MIGA1: variants seen among roughly 807,000 people sequenced by gnomAD.
MIGA1 encodes the protein mitoguardin 1, also known as family with sequence similarity 73, member A.
A neutral mutation model predicts 82.0 loss-of-function variants in MIGA1; 58 were observed. The observed-to-expected ratio is 0.71, with a 90% CI of 0.57 to 0.88. MIGA1 has a LOEUF of 0.88. MIGA1 is among the 40% of genes least tolerant of loss of function. MIGA1 has a pLI of 0.00. For synonymous variants in MIGA1, 249 were observed against 253.6 expected (o/e 0.98, Z 0.17); for missense variants, 751 against 749.1 (o/e 1.00, Z -0.03).
At chr1:77,871,732 A>G (rs1178424812) in intron 14 of MIGA1, among the ~76,000 whole-genome samples, 1 of 152,236 alleles carries the variant, frequency 6.6e-6, no homozygotes, top group African/African-American at 2.4e-5. Context: ...GGAAGAGGCA[A>G]TTACACAATT....
chr1:77,796,094 A>G (rs1473924856), intron 2 of MIGA1, among the ~76,000 whole-genome samples: 1 of 151,678 alleles, frequency 6.6e-6, no homozygotes, highest in Non-Finnish European at 1.5e-5. Context: ...TTTGCACCCC[A>G]ATACTCCTCT....
intron 14 of MIGA1, among the ~76,000 whole-genome samples, chr1:77,869,673 A>T: frequency 8.4e-6 from 1 of 119,496 alleles, no homozygotes; most frequent in Non-Finnish European, 1.8e-5. Context: ...CACCTCCCGG[A>T]CGGGGCGGCC....
intron 7 of MIGA1, among the ~76,000 whole-genome samples, chr1:77,816,903 G>A (rs925315785): frequency 2.6e-5 from 4 of 152,128 alleles, no homozygotes. Context: ...TGGTGAAGTG[G>A]CACGGAATGC....
At chr1:77,838,045 C>G (rs1042959408) in intron 7 of MIGA1, among the ~76,000 whole-genome samples, 1 of 152,212 alleles carries the variant, frequency 6.6e-6, no homozygotes, top group Admixed American at 6.5e-5. Flanking sequence ...ACCCTCCTTC[C>G]TCCTGCCTTT....
chr1:77,870,845 G>C (rs896813035), intron 14 of MIGA1, among the ~76,000 whole-genome samples: 1 of 151,294 alleles, frequency 6.6e-6, no homozygotes, highest in African/African-American at 2.4e-5. Flanking sequence ...ACCTCGGGAG[G>C]CCGAGGCCGG....
At chr1:77,786,992 A>G (rs574754306) in intron 2 of MIGA1, among the ~76,000 whole-genome samples, 7 of 152,208 alleles carry the variant, frequency 4.6e-5, no homozygotes, top group Non-Finnish European at 1.0e-4. Context: ...AGAAAGCTTT[A>G]TTGGACTTAC....
intron 5 of MIGA1, 144 bp downstream of exon 5, chr1:77,807,245 T>A: frequency 1.9e-6 from 1 of 524,450 alleles, no homozygotes; most frequent in Non-Finnish European, 3.2e-6. Flanking sequence ...CATTGCAGCC[T>A]CAACTTCCTG....
intron 2 of MIGA1, among the ~76,000 whole-genome samples, chr1:77,800,047 A>G (rs1017390174): frequency 6.6e-6 from 1 of 152,128 alleles, no homozygotes; most frequent in Admixed American, 6.6e-5. Context: ...CTCTAAAGTT[A>G]AAGATGCATC....
intron 2 of MIGA1, among the ~76,000 whole-genome samples, chr1:77,798,616 C>T (rs957197993): frequency 6.6e-6 from 1 of 152,126 alleles, no homozygotes; most frequent in Non-Finnish European, 1.5e-5. Flanking sequence ...GAATTATGGG[C>T]GCTACAATTC....
intron 15 of MIGA1, 133 bp from the exon 16 acceptor site, chr1:77,874,713 C>G: frequency 1.5e-6 from 1 of 650,768 alleles, no homozygotes; most frequent in East Asian, 2.7e-5. Flanking sequence ...GGTCCCTTTT[C>G]TAATGAGATA....
Position 77,874,983 on chromosome 1 carries a change from T to G in MIGA1, c.1818T>G (p.Asp606Glu). The change falls in exon 16 of 16, where the codon GAT becomes GAG. Residue 606 changes from aspartate (D) to glutamate (E), a missense_variant. Asp to Glu is a conservative substitution (Grantham distance 45, BLOSUM62 2). Transcript: ENST00000370791. ...TTTTAATGGCCTATCTTGAAGCAGATGCCCTGAGGCATACAAGTAGTTGTC... is the reference window on the plus strand; with the variant it reads ...TTTTAATGGCCTATCTTGAAGCAGAGGCCCTGAGGCATACAAGTAGTTGTC... The G allele has an allele frequency of 2.5e-6, 4 of 1,614,202 alleles. No homozygotes were observed. The highest frequency in any genetic ancestry group is 3.4e-6 in the Non-Finnish European group (4 of 1,180,028).
At chr1:77,859,111 ACTTACTAAAAATG>A in intron 9 of MIGA1, 55 bp downstream of exon 9, 1 of 1,147,778 alleles carries the variant, frequency 8.7e-7, no homozygotes, top group Non-Finnish European at 1.3e-6. Context: ...TTTGTGTGGT[ACTTACTAAAAATG>A]TTTATGAAAA....
intron 8 of MIGA1, among the ~76,000 whole-genome samples, chr1:77,846,249 G>A (rs1684835486): frequency 6.6e-6 from 1 of 151,984 alleles, no homozygotes; most frequent in Non-Finnish European, 1.5e-5. Flanking sequence ...GTTGTATTTG[G>A]CTTTCTTTCA....
At chr1:77,783,841 C>T (rs181531301) in intron 2 of MIGA1, among the ~76,000 whole-genome samples, 16 of 152,304 alleles carry the variant, frequency 1.1e-4, no homozygotes, top group East Asian at 1.9e-4. Context: ...ACCTCCTTCC[C>T]GTCATTCCCC....
At chr1:77,811,449 A>G (rs1683324253) in intron 5 of MIGA1, 7 of 1,547,924 alleles carry the variant, frequency 4.5e-6, no homozygotes, top group Non-Finnish European at 6.2e-6. Context: ...CAGGCTGAAC[A>G]TCAAATGGGA....
intron 8 of MIGA1, among the ~76,000 whole-genome samples, chr1:77,852,429 A>G (rs1184287832): frequency 6.6e-6 from 1 of 152,152 alleles, no homozygotes; most frequent in African/African-American, 2.4e-5. Flanking sequence ...TAGAGAATAT[A>G]TACTGTGAGA....
chr1:77,844,692 A>G (rs573998609), intron 8 of MIGA1, among the ~76,000 whole-genome samples: 1 of 152,160 alleles, frequency 6.6e-6, no homozygotes, highest in Non-Finnish European at 1.5e-5. Flanking sequence ...AGTATTATGC[A>G]TCTGGCCAGG....
chr1:77,863,913 A>G lies in MIGA1; in HGVS notation c.1394A>G (p.Tyr465Cys), dbSNP rs1170677810. The change falls in exon 13 of 16, where the codon TAT becomes TGT. Residue 465 changes from tyrosine to cysteine, a missense_variant. By Grantham distance (194) the Tyr-to-Cys change is radical. Around this residue, in one of 3 missense-constraint regions of MIGA1, gnomAD observed 265 missense variants for 293.6 expected, o/e 0.90. Transcript: ENST00000370791. ...ATGCAGGTGAAAAATCTAAATTTTT[A>G]TGATGTTGTTCTGGATTTTATATTA... 6.4e-7 allele frequency: 1 copy of G among 1,564,630 alleles called. No homozygotes were observed. The highest frequency in any genetic ancestry group is 1.4e-5 in the African/African-American group (1 of 72,148).
chr1:77,807,560 A>G (rs896637154), intron 5 of MIGA1, among the ~76,000 whole-genome samples: 1 of 152,236 alleles, frequency 6.6e-6, no homozygotes, highest in East Asian at 1.9e-4. Flanking sequence ...AACGTCATAC[A>G]TTGTGTTAGT....
Sources: gnomAD v4.1 joint callset for allele counts (sites outside exome capture counted in the v4.1 genomes callset) on GRCh38, gnomAD v4.1.1 for gene constraint, gnomAD v4.1.1 regional missense constraint, MANE v1.5 for transcripts, NCBI Gene and HGNC (gene_info 2026-07-23, HGNC 2026-07-21) for gene names.